The following ONECUT1 variants were observed in gnomAD, a reference collection of about 807,000 sequenced individuals.
ONECUT1 encodes one cut homeobox 1.
In ONECUT1, 12 loss-of-function variants were observed where a neutral mutation model predicts 25.6. That is an observed-to-expected ratio of 0.47 (90% CI 0.30 to 0.76). ONECUT1 has a LOEUF of 0.76. ONECUT1 is among the 30% of genes least tolerant of loss of function. ONECUT1 has a pLI of 0.07. For synonymous variants in ONECUT1, 285 were observed against 270.2 expected (o/e 1.05, Z -0.54); for missense variants, 620 against 651.2 (o/e 0.95, Z 0.52).
At chr15:52,767,636 C>T (rs1374340482) in intron 1 of ONECUT1, among the ~76,000 whole-genome samples, 2 of 152,170 alleles carry the variant, frequency 1.3e-5, no homozygotes, top group African/African-American at 4.8e-5. Flanking sequence ...TGCGGCCTTG[C>T]GCCTGCTAGT....
At position 52,789,930 on chromosome 15, in the gene ONECUT1, G is replaced by T; in HGVS notation, c.-46C>A. On this transcript the variant is annotated 5_prime_UTR_variant, in exon 1 of 2. It adds an upstream start codon to the 5' untranslated region. Coordinates refer to ENST00000305901, the MANE Select transcript of ONECUT1 (RefSeq NM_004498.4). This position sits in a 1 kb window ranked among gnomAD's most constrained non-coding sequence, Gnocchi z 4.1. Reference sequence around the variant, plus strand: ...GGCGGACACAACATCGATGTGGCCAGGCAGAGGCGGCGAGGGGCGCACGGA... The same window carrying T: ...GGCGGACACAACATCGATGTGGCCATGCAGAGGCGGCGAGGGGCGCACGGA... 1 of 1,477,010 alleles carries T rather than the reference G, an allele frequency of 6.8e-7. No homozygotes were observed. Among genetic ancestry groups the T allele is most frequent in the Non-Finnish European group, 8.9e-7 (1 of 1,123,590 alleles). 91.5% of individuals were successfully genotyped at this position (1,477,010 alleles called of 1,614,324 possible). A position where few individuals can be genotyped will look rare whatever the true frequency, so the allele number is the denominator to read the frequency against.
Position 52,757,718 on chromosome 15 carries a change from T to G in ONECUT1, c.1235A>C (p.Lys412Thr). ...AIFKENKRPS[K>T]ELQITISQQL... ...CTGGGAAATGGTGATTTGCAATTCT[T>G]TGGATGGACGCTTATTTTCCTTGAA... Residue 412 changes from lysine (K) to threonine (T), a missense_variant, in exon 2 of 2, where the codon AAA becomes ACA. This residue lies in a region of ONECUT1 where 146 missense variants were observed against 201.8 expected (regional missense o/e 0.72). Transcript: ENST00000305901. The G allele has an allele frequency of 1.2e-6, 2 of 1,614,160 alleles. No homozygotes were observed. Among genetic ancestry groups the G allele is most frequent in the Non-Finnish European group, 1.7e-6 (2 of 1,180,006 alleles).
intron 1 of ONECUT1, among the ~76,000 whole-genome samples, chr15:52,763,327 A>G (rs2083716288): frequency 6.6e-6 from 1 of 152,176 alleles, no homozygotes; most frequent in African/African-American, 2.4e-5. Flanking sequence ...TAGGCATGAA[A>G]GATGGTAAAA....
intron 1 of ONECUT1, chr15:52,787,147 G>C (rs1200718423): frequency 6.6e-6 from 1 of 152,254 alleles, no homozygotes; most frequent in Non-Finnish European, 1.5e-5. Context: ...GGAAAACCGG[G>C]GGCCAGCGAT....
intron 1 of ONECUT1, among the ~76,000 whole-genome samples, chr15:52,759,739 A>C (rs949800543): frequency 6.6e-6 from 1 of 151,066 alleles, no homozygotes; most frequent in Admixed American, 6.6e-5. Flanking sequence ...AGCTGGCACT[A>C]CAGGTGCGTG....
At position 52,784,530 on chromosome 15, in the gene ONECUT1, C is replaced by T. The variant is rs1004269128; in HGVS notation, c.1105+4250G>A. On this transcript the variant is annotated intron_variant, in intron 1 of 1. Coordinates refer to ENST00000305901, the MANE Select transcript of ONECUT1 (RefSeq NM_004498.4). This position sits in a 1 kb window ranked among gnomAD's most constrained non-coding sequence, Gnocchi z 5.0. ...CAGAAGTAGGTTTCCCCTGCCCCAG[C>T]CATAGCGGTTCCAGTCGTCGCCACG... Among the ~76,000 whole-genome samples, 6 of 152,186 alleles carry T rather than the reference C, an allele frequency of 3.9e-5. No individual in the cohort carries two copies. Among genetic ancestry groups the T allele is most frequent in the Admixed American group, 2.0e-4 (3 of 15,280 alleles).
At position 52,771,436 on chromosome 15, in the gene ONECUT1, A is replaced by AGTGTGT. The variant is rs60500029; in HGVS notation, c.1106-13595_1106-13590dup. Among the ~76,000 whole-genome samples the AGTGTGT allele has an allele frequency of 3.8e-3, 553 of 144,966 alleles. 19 individuals carry two copies. The East Asian group carries it at 0.068, about 18-fold the overall frequency. On this transcript the variant is annotated intron_variant, in intron 1 of 1. Coordinates refer to ENST00000305901, the MANE Select transcript of ONECUT1 (RefSeq NM_004498.4). ...TCATCTCATTTTTGCATAAAAAGCA[A>AGTGTGT]GTGTGTGTGTGTGTGTGTGTGTGTG...
chr15:52,768,299 G>A (rs960163616), intron 1 of ONECUT1, among the ~76,000 whole-genome samples: 18 of 152,072 alleles, frequency 1.2e-4, no homozygotes, highest in African/African-American at 3.9e-4. Flanking sequence ...AATATCACAT[G>A]TACCCCACAA....
intron 1 of ONECUT1, chr15:52,780,479 A>C: frequency 9.4e-7 from 1 of 1,058,780 alleles, no homozygotes; most frequent in Non-Finnish European, 1.4e-6. Flanking sequence ...AGTTAACCGC[A>C]TTAGTGTGAC....
chr15:52,781,748 C>T (rs1319262640), intron 1 of ONECUT1, among the ~76,000 whole-genome samples: 6 of 152,222 alleles, frequency 3.9e-5, no homozygotes, highest in Non-Finnish European at 7.3e-5. Flanking sequence ...ACGTCCTGTA[C>T]CAATTACATC....
intron 1 of ONECUT1, among the ~76,000 whole-genome samples, chr15:52,761,385 G>A (rs193156492): frequency 1.9e-3 from 289 of 152,236 alleles, no homozygotes; most frequent in African/African-American, 6.5e-3. Flanking sequence ...GAAAACCACC[G>A]TAGGGCCAGG....
intron 1 of ONECUT1, among the ~76,000 whole-genome samples, chr15:52,782,638 G>A (rs1389513334): frequency 6.6e-6 from 1 of 152,096 alleles, no homozygotes; most frequent in African/African-American, 2.4e-5. Context: ...AGCATTATAA[G>A]AAATGCACCC....
rs1483480013 is a variant in ONECUT1, at chr15:52,789,329, C to T, written c.556G>A (p.Gly186Ser). The T allele has an allele frequency of 1.3e-6, 2 of 1,583,432 alleles. No individual in the cohort carries two copies. Among genetic ancestry groups the T allele is most frequent in the Non-Finnish European group, 1.7e-6 (2 of 1,162,578 alleles). Residue 186 changes from glycine (G) to serine (S), a missense_variant, in exon 1 of 2, where the codon GGT becomes AGT. Transcript: ENST00000305901. This position sits in a 1 kb window ranked among gnomAD's most constrained non-coding sequence, Gnocchi z 4.1. ...TGGGAGTTGTGGATGCTGCCCAGAC[C>T]GGAGCTGGAGAGGGGCGAGAGGCTC... is the stretch of plus-strand genomic sequence containing the variant. ...GQSLSPLSSS[G>S]LGSIHNSQQG...
chr15:52,789,904 C>T lies in ONECUT1; in HGVS notation c.-20G>A. The T allele has an allele frequency of 6.6e-7, 1 of 1,509,824 alleles. No individual in the cohort carries two copies. Among genetic ancestry groups the T allele is most frequent in the Non-Finnish European group, 8.8e-7 (1 of 1,141,818 alleles). 93.5% of individuals were successfully genotyped at this position (1,509,824 alleles called of 1,614,324 possible). A position where few individuals can be genotyped will look rare whatever the true frequency, so the allele number is the denominator to read the frequency against. ...GTTCATCGTGATCCGGGCGAGCAGG[C>T]GGCGGACACAACATCGATGTGGCCA... On this transcript the variant is annotated 5_prime_UTR_variant, in exon 1 of 2. Transcript: ENST00000305901. The surrounding 1 kb of genome is among the most constrained non-coding windows in gnomAD (Gnocchi z 4.1).
intron 1 of ONECUT1, among the ~76,000 whole-genome samples, chr15:52,777,727 C>CAAAAAAAAAAAAA (rs1566992332): frequency 1.1e-5 from 1 of 93,820 alleles, no homozygotes; most frequent in African/African-American, 8.3e-5. Context: ...CACACACACA[C>CAAAAAAAAAAAAA]ACACACACAC....
At chr15:52,779,901 A>G (rs1428678389) in intron 1 of ONECUT1, among the ~76,000 whole-genome samples, 2 of 152,236 alleles carry the variant, frequency 1.3e-5, no homozygotes, top group Non-Finnish European at 2.9e-5. Context: ...AGTCTAGGGC[A>G]GAGGCATCTG....
chr15:52,789,020 T>A lies in ONECUT1; in HGVS notation c.865A>T (p.Met289Leu). Residue 289 changes from methionine (M) to leucine (L), a missense_variant, in exon 1 of 2, where the codon ATG (methionine) becomes TTG (leucine). Physicochemically the swap from Met to Leu is conservative, Grantham distance 15. Around this residue, in one of 4 missense-constraint regions of ONECUT1, gnomAD observed 146 missense variants for 201.8 expected, o/e 0.72. Transcript: ENST00000305901. This position sits in a 1 kb window ranked among gnomAD's most constrained non-coding sequence, Gnocchi z 4.1. ...ACCTCTTTGGTATTGATCTCTTCCA[T>A]CTGCCCTGAATTACTTCCATTGCTG... ...QVSNGSNSGQMEEINTKEVAQ... is the reference protein window; with the variant it reads ...QVSNGSNSGQLEEINTKEVAQ... The A allele has an allele frequency of 6.2e-7, 1 of 1,608,104 alleles. No homozygotes were observed. The highest frequency in any genetic ancestry group is 1.1e-5 in the South Asian group (1 of 91,084).
chr15:52,783,905 C>T (rs779540919), intron 1 of ONECUT1, among the ~76,000 whole-genome samples: 6 of 152,222 alleles, frequency 3.9e-5, no homozygotes, highest in African/African-American at 7.2e-5. Context: ...TTAGGTACCC[C>T]GACAGACCCT....
intron 1 of ONECUT1, among the ~76,000 whole-genome samples, chr15:52,762,446 G>A (rs896429968): frequency 6.6e-6 from 1 of 152,212 alleles, no homozygotes; most frequent in Non-Finnish European, 1.5e-5. Context: ...GGTGGAGACT[G>A]TCGATTAATG....
Sources: allele counts gnomAD v4.1 joint callset (sites outside exome capture counted in the v4.1 genomes callset), GRCh38; gene constraint gnomAD v4.1.1; regional missense constraint gnomAD v4.1.1; non-coding constraint Gnocchi (gnomAD v3.1); transcripts MANE v1.5; gene names NCBI Gene and HGNC (gene_info 2026-07-23, HGNC 2026-07-21).